MAN1A1: variants seen among roughly 807,000 people sequenced by gnomAD.
The protein encoded by MAN1A1 is mannosyl-oligosaccharide 1,2-alpha-mannosidase IA.
MAN1A1 carries 29 observed loss-of-function variants against 70.8 expected under a neutral mutation model. That is an observed-to-expected ratio of 0.41 (90% CI 0.31 to 0.56). The LOEUF is 0.56. MAN1A1 is among the 20% of genes least tolerant of loss of function. The probability of loss-of-function intolerance (pLI) is 0.29; values close to 1 mark genes in which losing one functional copy is unlikely to be tolerated. For synonymous variants in MAN1A1, 349 were observed against 330.1 expected, an observed-to-expected ratio of 1.06 and a Z score of -0.62; for missense variants, 747 against 841.3, an observed-to-expected ratio of 0.89 and a Z score of 1.39.
chr6:119,261,259 G>A (rs1286687629), intron 5 of MAN1A1, among the ~76,000 whole-genome samples: 4 of 152,124 alleles, frequency 2.6e-5, no homozygotes, highest in Non-Finnish European at 4.4e-5. Flanking sequence ...GATTACAGGC[G>A]TGAGCCACTG....
chr6:119,348,890 A>G lies in MAN1A1; in HGVS notation c.176T>C (p.Ile59Thr). The change falls in exon 2 of 13, where the codon ATC becomes ACC. Residue 59 changes from isoleucine (I) to threonine (T), a missense_variant. Transcript: ENST00000368468. Reference protein sequence around the residue: ...SAFITLCFGAIFFLPDSSKLL... With the variant: ...SAFITLCFGATFFLPDSSKLL... The stretch of plus-strand genomic sequence containing the variant: ...CTTGGAGGAGTCTGGCAGGAAGAAG[A>G]TCGCCCCGAAGCAGAGCGTGATGAA... 1 of 1,536,458 alleles carries G rather than the reference A, an allele frequency of 6.5e-7. No homozygotes were observed. The highest frequency in any genetic ancestry group is 8.7e-7 in the Non-Finnish European group (1 of 1,143,320).
chr6:119,349,514 G>A (rs916523503), intron 1 of MAN1A1, 28 bp downstream of exon 1: 14 of 983,752 alleles, frequency 1.4e-5, no homozygotes, highest in Non-Finnish European at 1.7e-5. Context: ...AGGGCAGCGC[G>A]CGAGCACCTC....
At chr6:119,250,174 C>T (rs1275871865) in intron 5 of MAN1A1, among the ~76,000 whole-genome samples, 2 of 152,212 alleles carry the variant, frequency 1.3e-5, no homozygotes, top group East Asian at 3.8e-4. Flanking sequence ...AAGGATTTAT[C>T]CAATCACTGC....
At chr6:119,300,808 T>C (rs1772371595) in intron 4 of MAN1A1, among the ~76,000 whole-genome samples, 1 of 152,218 alleles carries the variant, frequency 6.6e-6, no homozygotes, top group Admixed American at 6.5e-5. Context: ...CTAGATTCAA[T>C]TATTAGGCAA....
At chr6:119,267,702 C>G (rs1369023853) in intron 5 of MAN1A1, among the ~76,000 whole-genome samples, 1 of 152,172 alleles carries the variant, frequency 6.6e-6, no homozygotes, top group African/African-American at 2.4e-5. Context: ...TTCTCTCTCC[C>G]CCAAAGTAAC....
intron 5 of MAN1A1, among the ~76,000 whole-genome samples, chr6:119,255,012 C>G (rs1258933003): frequency 1.3e-5 from 2 of 152,146 alleles, no homozygotes; most frequent in Non-Finnish European, 2.9e-5. Flanking sequence ...TAAAATCTAT[C>G]AAATAAACAC....
chr6:119,308,359 G>C (rs900700345), intron 2 of MAN1A1, among the ~76,000 whole-genome samples: 8 of 152,254 alleles, frequency 5.3e-5, no homozygotes, highest in African/African-American at 1.9e-4. Context: ...AAAAGAATGT[G>C]TATATGGTAG....
chr6:119,184,799 T>C (rs1469852287), intron 11 of MAN1A1, among the ~76,000 whole-genome samples: 2 of 152,130 alleles, frequency 1.3e-5, no homozygotes, highest in African/African-American at 4.8e-5. Flanking sequence ...TTATATAATC[T>C]ATGTGAATAT....
chr6:119,203,976 T>A (rs529855687), intron 7 of MAN1A1, among the ~76,000 whole-genome samples: 37 of 152,192 alleles, frequency 2.4e-4, no homozygotes, highest in African/African-American at 8.7e-4. Context: ...GATTGAGTGC[T>A]AGGGCTTTCC....
intron 5 of MAN1A1, among the ~76,000 whole-genome samples, chr6:119,286,576 G>C (rs1776380629): frequency 6.6e-6 from 1 of 152,098 alleles, no homozygotes; most frequent in South Asian, 2.1e-4. Flanking sequence ...CAAAATGAGA[G>C]GTTATCATAG....
chr6:119,303,251 C>T (rs1772443285), intron 3 of MAN1A1, among the ~76,000 whole-genome samples: 1 of 152,068 alleles, frequency 6.6e-6, no homozygotes, highest in Non-Finnish European at 1.5e-5. Context: ...AACTCCTGGC[C>T]TCAAGCAATC....
chr6:119,320,631 C>CA (rs143520159), intron 2 of MAN1A1, among the ~76,000 whole-genome samples: 1,476 of 135,892 alleles, frequency 0.011, 7 homozygotes, highest in Non-Finnish European at 0.018. Flanking sequence ...CGGTTAAAAA[C>CA]AAAAAAAAAA....
Position 119,177,376 on chromosome 6 carries a change from C to T in MAN1A1, c.*2443G>A, listed in dbSNP as rs894472432. On this transcript the variant is annotated 3_prime_UTR_variant, in exon 13 of 13. Transcript: ENST00000368468. ...AACAATCAATGTACACAATGTGTAGCTCATATGAAAACCTCATGACAAGTC... is the reference window on the plus strand; with the variant it reads ...AACAATCAATGTACACAATGTGTAGTTCATATGAAAACCTCATGACAAGTC... 1.3e-5 allele frequency: 2 copies of T among 151,984 alleles called. No individual in the cohort carries two copies. Among genetic ancestry groups the T allele is most frequent in the Admixed American group, 6.6e-5 (1 of 15,258 alleles). The allele number at this position is 151,984 out of a possible 1,614,324, so 9.4% of individuals were successfully genotyped here.
intron 8 of MAN1A1, among the ~76,000 whole-genome samples, chr6:119,197,907 GT>G: frequency 6.6e-6 from 1 of 152,246 alleles, no homozygotes; most frequent in East Asian, 1.9e-4. Context: ...GACCCAGAAG[GT>G]GAAGCGGAGA....
chr6:119,251,385 T>G (rs190887532), intron 5 of MAN1A1, among the ~76,000 whole-genome samples: 1 of 152,226 alleles, frequency 6.6e-6, no homozygotes, highest in East Asian at 2.0e-4. Context: ...CTTCATGGTC[T>G]TAAGTTCTCA....
intron 2 of MAN1A1, among the ~76,000 whole-genome samples, chr6:119,312,503 G>A (rs544182687): frequency 6.6e-6 from 1 of 152,156 alleles, no homozygotes; most frequent in Non-Finnish European, 1.5e-5. Flanking sequence ...ATTTCTCCAT[G>A]GATCAAGAAA....
At chr6:119,333,215 C>T (rs552516013) in intron 2 of MAN1A1, among the ~76,000 whole-genome samples, 2 of 152,208 alleles carry the variant, frequency 1.3e-5, no homozygotes, top group Non-Finnish European at 2.9e-5. Context: ...TAAAGGTCCA[C>T]AAATATGCTA....
At chr6:119,245,316 T>G (rs1452294710) in intron 6 of MAN1A1, among the ~76,000 whole-genome samples, 1 of 152,188 alleles carries the variant, frequency 6.6e-6, no homozygotes, top group African/African-American at 2.4e-5. Context: ...CCCACTCCTT[T>G]GAAACTTTTG....
chr6:119,332,687 G>A (rs1773350289), intron 2 of MAN1A1, among the ~76,000 whole-genome samples: 1 of 151,622 alleles, frequency 6.6e-6, no homozygotes, highest in African/African-American at 2.4e-5. Flanking sequence ...CGTGGTGGCG[G>A]GCACCTGTAA....
Sources: allele counts gnomAD v4.1 joint callset (sites outside exome capture counted in the v4.1 genomes callset), GRCh38; gene constraint gnomAD v4.1.1; transcripts MANE v1.5; gene names NCBI Gene and HGNC (gene_info 2026-07-23, HGNC 2026-07-21).